Variants in NBAS observed in about 807,000 individuals in gnomAD.
NBAS encodes NAG/BC035112 fusion.
Under a neutral mutation model 302.5 loss-of-function variants are expected in NBAS, and 219 were observed. The ratio of observed to expected loss-of-function variants is 0.72; its 90% CI spans 0.65 to 0.81. The LOEUF is 0.81. Ranked by LOEUF, NBAS falls within the 30% of genes least tolerant of loss-of-function variation. The pLI, the probability that NBAS is intolerant of heterozygous loss-of-function variation, is 0.00. For missense variants in NBAS, 2,932 were observed against 2,841.6 expected (o/e 1.03, Z -0.72); for synonymous variants, 1,118 against 1,021.6 (o/e 1.09, Z -1.80).
chr2:15,242,665 C>T (rs1215322912), intron 44 of NBAS, among the ~76,000 whole-genome samples: 1 of 151,086 alleles, frequency 6.6e-6, no homozygotes, highest in Non-Finnish European at 1.5e-5. Context: ...AATTTCTTTA[C>T]TGTATCTAGT....
chr2:15,049,792 T>G, the NBAS span, among the ~76,000 whole-genome samples: 15 of 152,234 alleles, frequency 9.9e-5, no homozygotes, highest in African/African-American at 3.6e-4. Flanking sequence ...CCTCAGCCAC[T>G]GAGCCAGGGG....
At chr2:15,063,119 G>A in the NBAS span, among the ~76,000 whole-genome samples, 1 of 152,122 alleles carries the variant, frequency 6.6e-6, no homozygotes, top group African/African-American at 2.4e-5. Flanking sequence ...CGTGGAGTGT[G>A]GGCAACTCCA....
the NBAS span, among the ~76,000 whole-genome samples, chr2:15,084,321 C>T: frequency 6.6e-6 from 1 of 152,178 alleles, no homozygotes; most frequent in Non-Finnish European, 1.5e-5. Context: ...ACTCAGCCTC[C>T]CAAAGTGCTG....
the NBAS span, among the ~76,000 whole-genome samples, chr2:15,136,244 G>A: frequency 1.5e-3 from 233 of 152,286 alleles, no homozygotes; most frequent in Middle Eastern, 3.4e-3. Flanking sequence ...TCATGAGAGT[G>A]TATTCTTTTA....
chr2:14,905,347 T>C, the NBAS span, among the ~76,000 whole-genome samples: 38,195 of 152,136 alleles, frequency 0.25, 4,990 homozygotes, highest in Non-Finnish European at 0.28. Context: ...AACAAATGGA[T>C]GAACGAACTA....
chr2:15,232,858 G>GT (rs11342755), intron 46 of NBAS, among the ~76,000 whole-genome samples: 1,812 of 144,918 alleles, frequency 0.013, 17 homozygotes, highest in East Asian at 0.044. Context: ...TCCAGTTGAA[G>GT]TTTTTTTTTT....
Position 15,167,005 on chromosome 2 carries a change from T to G in NBAS, c.*43A>C. The G allele has an allele frequency of 6.6e-7, 1 of 1,508,734 alleles. No homozygotes were observed. Among genetic ancestry groups the G allele is most frequent in the Non-Finnish European group, 8.9e-7 (1 of 1,128,400 alleles). The allele number at this position is 1,508,734 out of a possible 1,614,324, so 93.5% of individuals were successfully genotyped here. On this transcript the variant is annotated 3_prime_UTR_variant, in exon 52 of 52. Coordinates refer to ENST00000281513, the MANE Select transcript of NBAS (RefSeq NM_015909.4). Reference sequence around the variant, plus strand: ...GTTGCTTCTGGGAACAGCATTCAACTCCAGATGCTTTTTCTGCTAAGGAGC... The same window carrying G: ...GTTGCTTCTGGGAACAGCATTCAACGCCAGATGCTTTTTCTGCTAAGGAGC...
At chr2:15,492,172 T>A (rs1680884794) in intron 11 of NBAS, among the ~76,000 whole-genome samples, 1 of 152,228 alleles carries the variant, frequency 6.6e-6, no homozygotes, top group African/African-American at 2.4e-5. Flanking sequence ...TCAACAAATA[T>A]TAACATTTTT....
At chr2:14,824,960 G>A in the NBAS span, among the ~76,000 whole-genome samples, 2 of 152,196 alleles carry the variant, frequency 1.3e-5, no homozygotes, top group Non-Finnish European at 2.9e-5. Flanking sequence ...GGGGTACCTG[G>A]AGAAGAATGC....
At chr2:14,783,555 G>C in the NBAS span, among the ~76,000 whole-genome samples, 766 of 144,540 alleles carry the variant, frequency 5.3e-3, 4 homozygotes, top group African/African-American at 0.018. Context: ...CCACCTATGA[G>C]TGAGAACATG....
At chr2:14,882,371 T>A in the NBAS span, among the ~76,000 whole-genome samples, 1 of 152,208 alleles carries the variant, frequency 6.6e-6, no homozygotes, top group Non-Finnish European at 1.5e-5. Flanking sequence ...ACTTCATAAT[T>A]ATAAGAGGGG....
At chr2:15,553,785 TCTCC>T (rs1392054166) in intron 4 of NBAS, among the ~76,000 whole-genome samples, 6 of 100,560 alleles carry the variant, frequency 6.0e-5, no homozygotes, top group African/African-American at 2.4e-4. Flanking sequence ...TCTTTCTCTC[TCTCC>T]CTCCCTCCCT....
intron 42 of NBAS, among the ~76,000 whole-genome samples, chr2:15,281,373 A>G (rs768297499): frequency 2.6e-5 from 4 of 152,230 alleles, no homozygotes; most frequent in Non-Finnish European, 5.9e-5. Flanking sequence ...ACTAGTGCTA[A>G]GCACTATGTC....
At chr2:15,202,250 AC>A (rs763248803) in intron 48 of NBAS, among the ~76,000 whole-genome samples, 13 of 152,182 alleles carry the variant, frequency 8.5e-5, no homozygotes, top group Non-Finnish European at 1.6e-4. Context: ...GCTTTACAGC[AC>A]CCTACTTATT....
At position 15,473,246 on chromosome 2, in the gene NBAS, G is replaced by C; in HGVS notation, c.1701C>G (p.Asn567Lys). Residue 567 changes from asparagine to lysine, a missense_variant, in exon 16 of 52, where the codon AAC becomes AAG. Asn to Lys is a moderately conservative substitution (Grantham distance 94). Coordinates refer to ENST00000281513, the MANE Select transcript of NBAS (RefSeq NM_015909.4). ...YQRQWRKSAV[N>K]VASIQNYLSK... ...CCAAATAATTCTGAATTGAAGCAACGTTGACCGCTGACTTCCTCCACTGCC... is the reference window on the plus strand; with the variant it reads ...CCAAATAATTCTGAATTGAAGCAACCTTGACCGCTGACTTCCTCCACTGCC... The C allele has an allele frequency of 6.2e-7, 1 of 1,614,016 alleles. No homozygotes were observed. The highest frequency in any genetic ancestry group is 8.5e-7 in the Non-Finnish European group (1 of 1,179,920).
At chr2:15,353,428 A>G (rs1450297095) in intron 34 of NBAS, 125 bp downstream of exon 34, 3 of 1,182,300 alleles carry the variant, frequency 2.5e-6, no homozygotes, top group Non-Finnish European at 3.7e-6. Context: ...ATAAGTGACA[A>G]TCTAGTTTTC....
intron 44 of NBAS, among the ~76,000 whole-genome samples, chr2:15,247,706 A>ATATACCTCTATC (rs1668162050): frequency 2.2e-5 from 2 of 90,942 alleles, no homozygotes; most frequent in Admixed American, 9.3e-5. Flanking sequence ...ATATCTCTCT[A>ATATACCTCTATC]TATATATCTA....
At chr2:14,793,134 G>A in the NBAS span, among the ~76,000 whole-genome samples, 1 of 151,778 alleles carries the variant, frequency 6.6e-6, no homozygotes, top group Non-Finnish European at 1.5e-5. Context: ...GAGGCCATCT[G>A]AAAGCCAGGA....
At chr2:15,295,065 T>C (rs570536766) in intron 40 of NBAS, among the ~76,000 whole-genome samples, 2 of 152,364 alleles carry the variant, frequency 1.3e-5, no homozygotes, top group Admixed American at 6.5e-5. Context: ...TTCTTCCACA[T>C]TCATTTTTGA....
Sources: allele counts gnomAD v4.1 joint callset (sites outside exome capture counted in the v4.1 genomes callset), GRCh38; gene constraint gnomAD v4.1.1; transcripts MANE v1.5; gene names NCBI Gene and HGNC (gene_info 2026-07-23, HGNC 2026-07-21).